Variants in RSRC1 observed in about 807,000 individuals in gnomAD.
RSRC1 encodes the protein arginine and serine rich coiled-coil 1, also known as serine/Arginine-related protein 53.
RSRC1 carries 39 observed loss-of-function variants against 49.1 expected under a neutral mutation model. That is an observed-to-expected ratio of 0.79 (90% CI 0.61 to 1.04). RSRC1 has a LOEUF of 1.04. Among genes scored for constraint, RSRC1 ranks in the 50% least tolerant of loss-of-function variants. The pLI, the probability that RSRC1 is intolerant of heterozygous loss-of-function variation, is 0.00. For synonymous variants in RSRC1, 143 were observed against 130.8 expected, an observed-to-expected ratio of 1.09 and a Z score of -0.63; for missense variants, 388 against 402.4, an observed-to-expected ratio of 0.96 and a Z score of 0.31.
intron 5 of RSRC1, among the ~76,000 whole-genome samples, chr3:158,340,176 A>C (rs1315606155): frequency 1.3e-5 from 2 of 152,126 alleles, no homozygotes; most frequent in Non-Finnish European, 2.9e-5. Context: ...TATTCTCGTG[A>C]TAGTGAATAA....
chr3:158,313,857 A>G (rs146547130), intron 5 of RSRC1, among the ~76,000 whole-genome samples: 75 of 152,194 alleles, frequency 4.9e-4, no homozygotes, highest in Non-Finnish European at 9.1e-4. Flanking sequence ...ATGAATATTC[A>G]CTCCTATCCT....
intron 4 of RSRC1, among the ~76,000 whole-genome samples, chr3:158,212,887 C>G (rs1379417680): frequency 4.6e-5 from 7 of 151,920 alleles, no homozygotes; most frequent in Admixed American, 1.3e-4. Context: ...ATGAATGATG[C>G]TAAACCAAAT....
rs1386441866 is a variant in RSRC1, at chr3:158,545,188, A to ATTTTTTTTTTTTTTTTT, written c.*917_*918insTTTTTTTTTTTTTTTTT. On this transcript the variant is annotated 3_prime_UTR_variant, in exon 10 of 10. Transcript: ENST00000611884. ...GCTGACATGAATATTTCCCGTTTCT[A>ATTTTTTTTTTTTTTTTT]TTTTCTTTTTTTTTTTTTTTTTTTT... 3.4e-5 allele frequency: 2 copies of ATTTTTTTTTTTTTTTTT among 58,792 alleles called. No homozygotes were observed. The highest frequency in any genetic ancestry group is 6.2e-5 in the African/African-American group (1 of 16,032). The allele number at this position is 58,792 out of a possible 1,614,324, so 3.6% of individuals were successfully genotyped here. A position where few individuals can be genotyped will look rare whatever the true frequency, so the allele number is the denominator to read the frequency against.
rs536331954 is a variant in RSRC1 at position 158,259,698 on chromosome 3, G to A, written c.495-38341G>A. 2.0e-5 allele frequency among the ~76,000 whole-genome samples: 3 copies of A among 152,134 alleles called. No individual in the cohort carries two copies. In the South Asian group the frequency reaches 6.2e-4, roughly 32 times the overall value. ...CCCCCCAGCCCCAGGCAGGTCCAGA[G>A]ATGCTGTCCATGAGCCAGGGCCTGG... On this transcript the variant is annotated intron_variant, in intron 4 of 9. Coordinates refer to ENST00000611884, the MANE Select transcript of RSRC1 (RefSeq NM_001271838.2).
intron 7 of RSRC1, among the ~76,000 whole-genome samples, chr3:158,467,569 T>TA (rs1737946514): frequency 6.6e-6 from 1 of 152,192 alleles, no homozygotes; most frequent in Non-Finnish European, 1.5e-5. Context: ...TATGCACCTT[T>TA]AGGGATGCCG....
intron 1 of RSRC1, among the ~76,000 whole-genome samples, chr3:158,111,022 A>G (rs1714355122): frequency 6.6e-6 from 1 of 152,214 alleles, no homozygotes; most frequent in South Asian, 2.1e-4. Flanking sequence ...CAGTAACCCA[A>G]TTGTGTTCCA....
At chr3:158,482,916 C>G (rs938666549) in intron 7 of RSRC1, among the ~76,000 whole-genome samples, 1 of 151,918 alleles carries the variant, frequency 6.6e-6, no homozygotes. Flanking sequence ...ATTATTTAAC[C>G]TCTAAGCCCA....
chr3:158,435,331 TA>T (rs1735988390), intron 6 of RSRC1, among the ~76,000 whole-genome samples: 2 of 151,918 alleles, frequency 1.3e-5, no homozygotes, highest in African/African-American at 4.8e-5. Context: ...CAAGATAAAA[TA>T]ATACTATTGT....
At chr3:158,307,117 C>G (rs544294606) in intron 5 of RSRC1, among the ~76,000 whole-genome samples, 41 of 150,900 alleles carry the variant, frequency 2.7e-4, no homozygotes, top group African/African-American at 9.5e-4. Context: ...CTTCTATGAT[C>G]TGGATAGGTA....
chr3:158,122,404 C>A, intron 2 of RSRC1, 106 bp downstream of exon 2: 2 of 857,292 alleles, frequency 2.3e-6, no homozygotes, highest in Non-Finnish European at 3.3e-6. Flanking sequence ...CTTTTACTAG[C>A]TATATATTTA....
intron 6 of RSRC1, among the ~76,000 whole-genome samples, chr3:158,458,201 G>A (rs188961232): frequency 0.012 from 1,846 of 149,118 alleles, 15 homozygotes; most frequent in Middle Eastern, 0.032. Flanking sequence ...AACTATGGAT[G>A]CTGACTAAGG....
In RSRC1 at chr3:158,123,902, C is replaced by A. The variant is rs748247876; in HGVS notation, c.231C>A (p.Gly77=). 1.2e-6 allele frequency: 2 copies of A among 1,612,212 alleles called. No homozygotes were observed. Among genetic ancestry groups the A allele is most frequent in the Middle Eastern group, 1.7e-4 (1 of 6,052 alleles). Reference sequence around the variant, plus strand: ...GATCAAGCAGTAGCTCTTCTTATGGCTCCAGAAGGAAACGAAGTCGAAGTC... The same window carrying A: ...GATCAAGCAGTAGCTCTTCTTATGGATCCAGAAGGAAACGAAGTCGAAGTC... ...RHRSSSSSSY[G]SRRKRSRSRS... The change falls in exon 3 of 10, where the codon GGC becomes GGA. Residue 77 remains glycine (G), a synonymous_variant. Transcript: ENST00000611884.
At chr3:158,132,454 G>A (rs1184906724) in intron 3 of RSRC1, among the ~76,000 whole-genome samples, 1 of 152,042 alleles carries the variant, frequency 6.6e-6, no homozygotes, top group African/African-American at 2.4e-5. Flanking sequence ...TATTTTTCTG[G>A]TACCCTTTTC....
chr3:158,323,567 G>C (rs1728886423), intron 5 of RSRC1, among the ~76,000 whole-genome samples: 2 of 152,010 alleles, frequency 1.3e-5, no homozygotes, highest in South Asian at 2.1e-4. Context: ...ATGTCTACTT[G>C]TTCTGCCACT....
chr3:158,525,667 G>C (rs141475561), intron 7 of RSRC1, among the ~76,000 whole-genome samples: 1 of 151,978 alleles, frequency 6.6e-6, no homozygotes, highest in Non-Finnish European at 1.5e-5. Flanking sequence ...ATGTTCATCT[G>C]CAGGTGAATA....
At chr3:158,265,991 A>G (rs1235791867) in intron 4 of RSRC1, among the ~76,000 whole-genome samples, 1 of 152,170 alleles carries the variant, frequency 6.6e-6, no homozygotes, top group African/African-American at 2.4e-5. Flanking sequence ...TAATTTAGCA[A>G]AAATAAATTT....
intron 3 of RSRC1, among the ~76,000 whole-genome samples, chr3:158,138,658 A>G (rs1361850222): frequency 6.6e-6 from 1 of 152,142 alleles, no homozygotes; most frequent in African/African-American, 2.4e-5. Context: ...TTTTTTCTCT[A>G]TATCTTTGTT....
intron 6 of RSRC1, among the ~76,000 whole-genome samples, chr3:158,369,257 T>A (rs914903272): frequency 4.6e-5 from 7 of 152,132 alleles, no homozygotes; most frequent in African/African-American, 9.6e-5. Context: ...AATCTTTTTT[T>A]ATTATAATTT....
chr3:158,380,619 A>C (rs576782566), intron 6 of RSRC1, among the ~76,000 whole-genome samples: 30 of 152,068 alleles, frequency 2.0e-4, no homozygotes, highest in African/African-American at 6.5e-4. Context: ...TTATTTTTAG[A>C]TATATAGTTT....
Sources: allele counts gnomAD v4.1 joint callset (sites outside exome capture counted in the v4.1 genomes callset), GRCh38; gene constraint gnomAD v4.1.1; transcripts MANE v1.5; gene names NCBI Gene and HGNC (gene_info 2026-07-23, HGNC 2026-07-21).